The following TRAF6 variants were observed in gnomAD, a reference collection of about 807,000 sequenced individuals.
The protein encoded by TRAF6 is TNF receptor-associated factor 6.
TRAF6 carries 10 observed loss-of-function variants against 48.4 expected under a neutral mutation model. That is an observed-to-expected ratio of 0.21 (90% CI 0.13 to 0.35). The LOEUF (loss-of-function observed/expected upper bound fraction) is 0.35. Ranked by LOEUF, TRAF6 falls within the 10% of genes least tolerant of loss-of-function variation. TRAF6 has a pLI of 1.00. For missense variants in TRAF6, 397 were observed against 661.0 expected (o/e 0.60, Z 4.38); for synonymous variants, 186 against 219.6 (o/e 0.85, Z 1.35).
intron 6 of TRAF6, 138 bp downstream of exon 6, chr11:36,492,413 C>T: frequency 1.4e-6 from 1 of 715,970 alleles, no homozygotes; most frequent in South Asian, 1.9e-5. Context: ...CTGCTCACAG[C>T]ATCCATGAAT....
chr11:36,489,703 A>ACT lies in TRAF6; in HGVS notation c.*134_*135insAG. 1.0e-6 allele frequency: 1 copy of ACT among 969,914 alleles called. No homozygotes were observed. The highest frequency in any genetic ancestry group is 2.4e-5 in the East Asian group (1 of 41,414). 60.1% of individuals were successfully genotyped at this position (969,914 alleles called of 1,614,324 possible). A position where few individuals can be genotyped will look rare whatever the true frequency, so the allele number is the denominator to read the frequency against. On this transcript the variant is annotated 3_prime_UTR_variant, in exon 7 of 7. Coordinates refer to ENST00000526995, the MANE Select transcript of TRAF6 (RefSeq NM_004620.4). Reference sequence around the variant, plus strand: ...TCATTTGTAACAGGAAGAAATAGTAAGTGACCTCTCTAACAACACTCACTA... The same window carrying ACT: ...TCATTTGTAACAGGAAGAAATAGTAACTGTGACCTCTCTAACAACACTCACTA...
chr11:36,492,409 A>C, intron 6 of TRAF6, 142 bp downstream of exon 6: 1 of 705,822 alleles, frequency 1.4e-6, no homozygotes, highest in South Asian at 1.9e-5. Flanking sequence ...GCTTCTGCTC[A>C]CAGCATCCAT....
Position 36,490,689 on chromosome 11 carries a change from C to A in TRAF6, c.757-39G>T, listed in dbSNP as rs970563631. The A allele has an allele frequency of 6.4e-7, 1 of 1,557,264 alleles. No homozygotes were observed. The highest frequency in any genetic ancestry group is 1.4e-5 in the African/African-American group (1 of 73,044). ...ACAAGCCTTAGGCTGGGAATAGATA[C>A]CGTGAGGAGTAGGAAAAGGACCTGG... On this transcript the variant is annotated intron_variant, in intron 6 of 6. Transcript: ENST00000526995. This position sits in a 1 kb window ranked among gnomAD's most constrained non-coding sequence, Gnocchi z 6.4.
intron 1 of TRAF6, among the ~76,000 whole-genome samples, chr11:36,505,763 T>G (rs1316196642): frequency 1.3e-5 from 2 of 152,218 alleles, no homozygotes; most frequent in Non-Finnish European, 2.9e-5. Context: ...GGCTCTTTGG[T>G]TTACTTGAAC....
Position 36,507,107 on chromosome 11 carries a change from A to C in TRAF6, c.-23+2941T>G, listed in dbSNP as rs1031370350. 1.0e-4 allele frequency among the ~76,000 whole-genome samples: 15 copies of C among 149,412 alleles called. 1 individual carries two copies. The highest frequency in any genetic ancestry group is 3.4e-4 in the African/African-American group (14 of 40,856). ...CACATAAATGTATATACGTGTATAT[A>C]TGTATATATACATGTATTATACATA... On this transcript the variant is annotated intron_variant, in intron 1 of 6. Transcript: ENST00000526995.
chr11:36,507,108 T>C (rs116427557), intron 1 of TRAF6, among the ~76,000 whole-genome samples: 16,805 of 138,422 alleles, frequency 0.12, 1,375 homozygotes, highest in African/African-American at 0.15. Context: ...CGTGTATATA[T>C]GTATATATAC....
At chr11:36,498,126 C>T (rs544915462) in intron 3 of TRAF6, among the ~76,000 whole-genome samples, 7 of 152,172 alleles carry the variant, frequency 4.6e-5, no homozygotes, top group African/African-American at 9.6e-5. Flanking sequence ...CCTCGTGATC[C>T]GCCTGCCTCA....
intron 2 of TRAF6, among the ~76,000 whole-genome samples, chr11:36,499,210 A>C (rs960653593): frequency 1.3e-5 from 2 of 152,208 alleles, no homozygotes; most frequent in Non-Finnish European, 2.9e-5. Context: ...AATGTTACAG[A>C]AAGTTAAAGG....
intron 4 of TRAF6, chr11:36,496,648 T>C (rs1173245474): frequency 6.3e-6 from 1 of 159,698 alleles, no homozygotes; most frequent in Non-Finnish European, 1.4e-5. Flanking sequence ...AAATACATTA[T>C]ATACGCTGCA....
In TRAF6 at chr11:36,487,806, G is replaced by GAT. The variant is rs1301734250; in HGVS notation, c.*2031_*2032insAT. ...CCTCTTTGTATCTAATGCACAGCCA[G>GAT]TGCTTTTAATAGAAATCTGACCAGG... On this transcript the variant is annotated 3_prime_UTR_variant, in exon 7 of 7. Transcript: ENST00000526995. 2.7e-4 allele frequency: 41 copies of GAT among 152,204 alleles called. No homozygotes were observed. Among genetic ancestry groups the GAT allele is most frequent in the African/African-American group, 8.0e-4 (33 of 41,508 alleles). 9.4% of individuals were successfully genotyped at this position (152,204 alleles called of 1,614,324 possible). A position where few individuals can be genotyped will look rare whatever the true frequency, so the allele number is the denominator to read the frequency against.
rs1859460294 is a variant in TRAF6, at chr11:36,484,879, C to A, written c.*4959G>T. Among the ~76,000 whole-genome samples, 1 of 152,124 alleles carries A rather than the reference C, an allele frequency of 6.6e-6. No homozygotes were observed. The highest frequency in any genetic ancestry group is 2.4e-5 in the African/African-American group (1 of 41,426). On this transcript the variant is annotated 3_prime_UTR_variant, in exon 7 of 7. Transcript: ENST00000526995. Reference sequence around the variant, plus strand: ...AAATAAATCCATTACAAAAAATACCCCTTCAGGCAAAATAAATAAGACTGA... The same window carrying A: ...AAATAAATCCATTACAAAAAATACCACTTCAGGCAAAATAAATAAGACTGA...
chr11:36,502,674 T>C (rs5030500), intron 1 of TRAF6, among the ~76,000 whole-genome samples: 2,149 of 152,276 alleles, frequency 0.014, 30 homozygotes, highest in Non-Finnish European at 0.02. Flanking sequence ...GAGTAGCACT[T>C]GATGACCGCC....
intron 1 of TRAF6, among the ~76,000 whole-genome samples, chr11:36,508,461 T>C (rs1776459966): frequency 6.6e-6 from 1 of 152,038 alleles, no homozygotes; most frequent in Non-Finnish European, 1.5e-5. Flanking sequence ...GTAACATGTC[T>C]TGGGGGAGGG....
intron 5 of TRAF6, among the ~76,000 whole-genome samples, chr11:36,494,419 C>T (rs373560593): frequency 2.0e-5 from 3 of 152,110 alleles, no homozygotes; most frequent in East Asian, 3.9e-4. Context: ...ACAATTACTA[C>T]TTCTAATGAT....
chr11:36,489,740 A>G lies in TRAF6; in HGVS notation c.*98T>C, dbSNP rs5030477. The G allele has an allele frequency of 3.8e-3, 4,823 of 1,258,102 alleles. 16 individuals are homozygous for G. Among genetic ancestry groups the G allele is most frequent in the Non-Finnish European group, 4.8e-3 (4,286 of 895,248 alleles). 77.9% of individuals were successfully genotyped at this position (1,258,102 alleles called of 1,614,324 possible). A position where few individuals can be genotyped will look rare whatever the true frequency, so the allele number is the denominator to read the frequency against. On this transcript the variant is annotated 3_prime_UTR_variant, in exon 7 of 7. Coordinates refer to ENST00000526995, the MANE Select transcript of TRAF6 (RefSeq NM_004620.4). Reference sequence around the variant, plus strand: ...AACAACACTCACTAGTAGATATTACATATTTCCCGTGGCTTGTTTGTTTGC... The same window carrying G: ...AACAACACTCACTAGTAGATATTACGTATTTCCCGTGGCTTGTTTGTTTGC...
rs994307046 is a variant in TRAF6 at position 36,487,699 on chromosome 11, A to C, written c.*2139T>G. 6.6e-6 allele frequency: 1 copy of C among 152,188 alleles called. No homozygotes were observed. The highest frequency in any genetic ancestry group is 1.5e-5 in the Non-Finnish European group (1 of 68,036). The allele number at this position is 152,188 out of a possible 1,614,324, so 9.4% of individuals were successfully genotyped here. A position where few individuals can be genotyped will look rare whatever the true frequency, so the allele number is the denominator to read the frequency against. ...AGATGGGAAGCTTGCTAAAAGCTGA[A>C]ATTAGGCAAAACAACTTTTTTTTTT... is the stretch of plus-strand genomic sequence containing the variant. On this transcript the variant is annotated 3_prime_UTR_variant, in exon 7 of 7. Transcript: ENST00000526995.
chr11:36,495,795 G>A (rs1859622979), intron 4 of TRAF6, among the ~76,000 whole-genome samples: 1 of 152,084 alleles, frequency 6.6e-6, no homozygotes, highest in African/African-American at 2.4e-5. Context: ...GGGAGGCTGA[G>A]GCAGGAGAAT....
chr11:36,491,492 A>G (rs1204532940), intron 6 of TRAF6, among the ~76,000 whole-genome samples: 4 of 152,178 alleles, frequency 2.6e-5, no homozygotes, highest in African/African-American at 9.7e-5. Flanking sequence ...TAAATTATTA[A>G]ATGTATGTTT....
intron 6 of TRAF6, among the ~76,000 whole-genome samples, chr11:36,491,463 T>C (rs1374966196): frequency 6.6e-6 from 1 of 152,158 alleles, no homozygotes; most frequent in Non-Finnish European, 1.5e-5. Context: ...AACCATACCA[T>C]TTTGCTCATT....
Sources: allele counts gnomAD v4.1 joint callset (sites outside exome capture counted in the v4.1 genomes callset), GRCh38; gene constraint gnomAD v4.1.1; non-coding constraint Gnocchi (gnomAD v3.1); transcripts MANE v1.5; gene names NCBI Gene and HGNC (gene_info 2026-07-23, HGNC 2026-07-21).